The following CKAP5 variants were observed in gnomAD, a reference collection of about 807,000 sequenced individuals.
CKAP5 encodes cytoskeleton associated protein 5, also known as cytoskeleton-associated protein 5.
CKAP5 carries 27 observed loss-of-function variants against 232.8 expected under a neutral mutation model. The ratio of observed to expected loss-of-function variants is 0.12; its 90% CI spans 0.09 to 0.16. The LOEUF is 0.16. Ranked by LOEUF, CKAP5 falls within the 10% of genes least tolerant of loss-of-function variation. CKAP5 has a pLI of 1.00. For synonymous variants in CKAP5, 785 were observed against 841.1 expected, an observed-to-expected ratio of 0.93 and a Z score of 1.16; for missense variants, 1,838 against 2,424.7, an observed-to-expected ratio of 0.76 and a Z score of 5.08.
intron 30 of CKAP5, 50 bp from the exon 31 acceptor site, chr11:46,762,812 A>G (rs1212163195): frequency 1.3e-6 from 2 of 1,584,356 alleles, no homozygotes; most frequent in Non-Finnish European, 8.7e-7. Context: ...CTAAGTAGCA[A>G]TGATTCTCCC....
intron 35 of CKAP5, 135 bp downstream of exon 35, chr11:46,758,788 G>T: frequency 1.1e-6 from 1 of 922,622 alleles, no homozygotes; most frequent in Non-Finnish European, 1.6e-6. Context: ...TGGCACCTGT[G>T]CATTTCTTTC....
intron 1 of CKAP5, among the ~76,000 whole-genome samples, chr11:46,843,103 G>C (rs1260575853): frequency 6.6e-6 from 1 of 151,912 alleles, no homozygotes; most frequent in African/African-American, 2.4e-5. Context: ...GGGAGCCAAA[G>C]GGAGACCCTG....
intron 8 of CKAP5, among the ~76,000 whole-genome samples, chr11:46,803,023 A>G (rs1356745147): frequency 6.6e-6 from 1 of 151,988 alleles, no homozygotes; most frequent in Non-Finnish European, 1.5e-5. Flanking sequence ...CAGGACCTTA[A>G]GAGGTTGAGG....
chr11:46,778,890 T>TA (rs2065314541), intron 20 of CKAP5, among the ~76,000 whole-genome samples: 1 of 152,094 alleles, frequency 6.6e-6, no homozygotes. Flanking sequence ...GCCTGGCTGA[T>TA]ACGGTGAAAC....
At chr11:46,828,195 A>C (rs1939698135) in intron 1 of CKAP5, among the ~76,000 whole-genome samples, 1 of 144,122 alleles carries the variant, frequency 6.9e-6, no homozygotes, top group Admixed American at 7.1e-5. Flanking sequence ...GGTTACTCTT[A>C]TTCTGAAGGT....
chr11:46,763,169 C>G lies in CKAP5; in HGVS notation c.3698G>C (p.Ser1233Thr). 6.2e-7 allele frequency: 1 copy of G among 1,611,246 alleles called. No individual in the cohort carries two copies. Among genetic ancestry groups the G allele is most frequent in the Non-Finnish European group, 8.5e-7 (1 of 1,178,056 alleles). ...ALAVMVDHLE[S>T]EKEGVIGCLD... The stretch of plus-strand genomic sequence containing the variant: ...GCAACCAATAACTCCTTCTTTTTCA[C>G]TCTCCAAGTGCTTAAAATAAAACAA... Residue 1233 changes from serine (S) to threonine (T), a missense_variant, in exon 30 of 44, where the codon AGT becomes ACT. By Grantham distance (58) the Ser-to-Thr change is moderately conservative. Transcript: ENST00000529230.
intron 13 of CKAP5, among the ~76,000 whole-genome samples, chr11:46,794,377 T>A (rs1485399158): frequency 6.6e-6 from 1 of 152,096 alleles, no homozygotes; most frequent in Non-Finnish European, 1.5e-5. Flanking sequence ...GGTGGGAGGA[T>A]TGCTTGAGCC....
chr11:46,755,791 T>C (rs187311569), intron 35 of CKAP5, among the ~76,000 whole-genome samples: 78 of 151,958 alleles, frequency 5.1e-4, no homozygotes, highest in African/African-American at 1.6e-3. Flanking sequence ...TAGCCTGGCA[T>C]GGTGGTAGGC....
intron 27 of CKAP5, among the ~76,000 whole-genome samples, chr11:46,765,602 T>A (rs1240998465): frequency 4.2e-4 from 2 of 4,796 alleles, no homozygotes; most frequent in Non-Finnish European, 9.3e-4. Flanking sequence ...ATGACATCTT[T>A]TTTTTTTTTT....
chr11:46,769,163 C>T, intron 26 of CKAP5, among the ~76,000 whole-genome samples: 1 of 152,192 alleles, frequency 6.6e-6, no homozygotes, highest in Admixed American at 6.5e-5. Flanking sequence ...CAATGATCCA[C>T]TGGCCTTGGC....
At position 46,797,673 on chromosome 11, in the gene CKAP5, T is replaced by A. The variant is rs1938911578; in HGVS notation, c.1338+132A>T. 5.9e-6 allele frequency: 5 copies of A among 842,760 alleles called. No individual in the cohort carries two copies. In the South Asian group the frequency reaches 1.0e-4, roughly 17 times the overall value. 52.2% of individuals were successfully genotyped at this position (842,760 alleles called of 1,614,324 possible). A position where few individuals can be genotyped will look rare whatever the true frequency, so the allele number is the denominator to read the frequency against. ...GAGAATTTGGATTCAGTTTCCAAGC[T>A]GCAAAGGCTCTGCTCCTCAAAAGAT... is the stretch of plus-strand genomic sequence containing the variant. On this transcript the variant is annotated intron_variant, in intron 11 of 43. Transcript: ENST00000529230.
chr11:46,814,064 G>A (rs528084206), intron 4 of CKAP5, among the ~76,000 whole-genome samples: 17 of 150,824 alleles, frequency 1.1e-4, no homozygotes, highest in East Asian at 1.9e-4. Flanking sequence ...ACCCAGGGGC[G>A]GAGGTTGCAG....
At chr11:46,810,204 T>C (rs1565747238) in intron 5 of CKAP5, among the ~76,000 whole-genome samples, 1 of 152,248 alleles carries the variant, frequency 6.6e-6, no homozygotes, top group East Asian at 1.9e-4. Context: ...ACTTCTGACC[T>C]CAGGTGATCC....
intron 7 of CKAP5, among the ~76,000 whole-genome samples, chr11:46,808,929 C>G (rs1055885239): frequency 1.3e-5 from 2 of 152,158 alleles, no homozygotes; most frequent in Admixed American, 6.5e-5. Flanking sequence ...TAGGGAACTT[C>G]CGGCAATGTT....
intron 17 of CKAP5, 146 bp from the exon 18 acceptor site, chr11:46,783,514 C>T (rs2065360197): frequency 1.8e-6 from 1 of 552,192 alleles, no homozygotes; most frequent in Admixed American, 3.3e-5. Flanking sequence ...TGAACCTACA[C>T]AAGAAAATGA....
At chr11:46,831,188 A>T (rs976966166) in intron 1 of CKAP5, among the ~76,000 whole-genome samples, 1 of 152,166 alleles carries the variant, frequency 6.6e-6, no homozygotes, top group Non-Finnish European at 1.5e-5. Context: ...GATTTTTAAT[A>T]ATGAGCTTCA....
chr11:46,813,512 C>A (rs79754373), intron 4 of CKAP5, among the ~76,000 whole-genome samples: 1 of 152,134 alleles, frequency 6.6e-6, no homozygotes, highest in Non-Finnish European at 1.5e-5. Flanking sequence ...CAAAAGGGTA[C>A]TAGAAACCTG....
chr11:46,816,005 T>G (rs1434124734), intron 4 of CKAP5, among the ~76,000 whole-genome samples, 193 bp downstream of exon 4: 1 of 152,100 alleles, frequency 6.6e-6, no homozygotes, highest in South Asian at 2.1e-4. Flanking sequence ...CAAACCCTAC[T>G]GTGAACTGCA....
intron 20 of CKAP5, 44 bp downstream of exon 20, chr11:46,780,150 T>G: frequency 6.2e-7 from 1 of 1,608,034 alleles, no homozygotes; most frequent in Non-Finnish European, 8.5e-7. Flanking sequence ...CTTAATGAGA[T>G]TCTCAAGTCC....
Sources: allele counts gnomAD v4.1 joint callset (sites outside exome capture counted in the v4.1 genomes callset), GRCh38; gene constraint gnomAD v4.1.1; transcripts MANE v1.5; gene names NCBI Gene and HGNC (gene_info 2026-07-23, HGNC 2026-07-21).